ARHGEF10L: variants seen among roughly 807,000 people sequenced by gnomAD.
The protein encoded by ARHGEF10L is Rho guanine nucleotide exchange factor 10 like.
Under a neutral mutation model 141.2 loss-of-function variants are expected in ARHGEF10L, and 69 were observed. The ratio of observed to expected loss-of-function variants is 0.49; its 90% CI spans 0.40 to 0.60. The LOEUF (loss-of-function observed/expected upper bound fraction) is 0.60. Among genes scored for constraint, ARHGEF10L ranks in the 20% least tolerant of loss-of-function variants. ARHGEF10L has a pLI of 0.00. For synonymous variants in ARHGEF10L, 711 were observed against 718.5 expected (o/e 0.99, Z 0.17); for missense variants, 1,482 against 1,734.3 (o/e 0.85, Z 2.58).
intron 25 of ARHGEF10L, among the ~76,000 whole-genome samples, chr1:17,658,982 C>T (rs1438536185): frequency 2.6e-5 from 4 of 152,102 alleles, no homozygotes; most frequent in African/African-American, 4.8e-5. Flanking sequence ...TGGGGGAACC[C>T]GGAGAGGAAG....
At chr1:17,610,488 G>A (rs1199675813) in intron 7 of ARHGEF10L, among the ~76,000 whole-genome samples, 1 of 152,204 alleles carries the variant, frequency 6.6e-6, no homozygotes, top group African/African-American at 2.4e-5. Flanking sequence ...CCACCTGCTC[G>A]CTGATCAGCA....
intron 26 of ARHGEF10L, among the ~76,000 whole-genome samples, chr1:17,669,202 C>G (rs2063167747): frequency 6.6e-6 from 1 of 152,194 alleles, no homozygotes; most frequent in Non-Finnish European, 1.5e-5. Flanking sequence ...GTTCAATGCT[C>G]CAAGCCAGGA....
chr1:17,610,685 C>T (rs1343430528), intron 7 of ARHGEF10L, among the ~76,000 whole-genome samples: 1 of 152,224 alleles, frequency 6.6e-6, no homozygotes, highest in Non-Finnish European at 1.5e-5. Flanking sequence ...GCTGTGTGTG[C>T]TGTGGGCACA....
At chr1:17,634,701 G>A in intron 17 of ARHGEF10L, 134 bp from the exon 18 acceptor site, 1 of 1,461,192 alleles carries the variant, frequency 6.8e-7, no homozygotes. Context: ...TGCCTGGCTT[G>A]GTTTTGGTCT....
At chr1:17,610,623 C>T (rs916537870) in intron 7 of ARHGEF10L, among the ~76,000 whole-genome samples, 2 of 152,166 alleles carry the variant, frequency 1.3e-5, no homozygotes, top group Admixed American at 6.6e-5. Flanking sequence ...CCTGCTCACC[C>T]GCTGGCATTG....
chr1:17,672,018 G>T (rs1431912234), intron 26 of ARHGEF10L, among the ~76,000 whole-genome samples: 2 of 152,302 alleles, frequency 1.3e-5, no homozygotes, highest in African/African-American at 2.4e-5. Flanking sequence ...GGAGCATGAA[G>T]GTGCTTCCTG....
chr1:17,626,085 G>A, intron 14 of ARHGEF10L, 37 bp downstream of exon 14: 4 of 1,591,638 alleles, frequency 2.5e-6, no homozygotes, highest in Non-Finnish European at 3.4e-6. Flanking sequence ...AACCCACAGG[G>A]TTTGCCTGTG....
chr1:17,579,871 G>T (rs2078406805), intron 1 of ARHGEF10L, among the ~76,000 whole-genome samples: 1 of 152,264 alleles, frequency 6.6e-6, no homozygotes, highest in South Asian at 2.1e-4. Context: ...TTTTGCTTAT[G>T]TGAGCTCCCA....
chr1:17,536,777 C>T (rs2076581680), upstream of ARHGEF10L, among the ~76,000 whole-genome samples: 1 of 152,162 alleles, frequency 6.6e-6, no homozygotes, highest in African/African-American at 2.4e-5. Context: ...TAAAGGGCCA[C>T]CACTCCTGGG....
Position 17,656,242 on chromosome 1 carries a change from G to T in ARHGEF10L, c.2705+140G>T. On this transcript the variant is annotated intron_variant, in intron 24 of 28. Coordinates refer to ENST00000361221, the MANE Select transcript of ARHGEF10L (RefSeq NM_018125.4). This position sits in a 1 kb window ranked among gnomAD's most constrained non-coding sequence, Gnocchi z 4.9. ...GGTCTCCAGGAAGGTGGGCACCAGA[G>T]CTGCCCAGTGTGGGAGCCAAAGTGT... 2 of 1,100,094 alleles carry T rather than the reference G, an allele frequency of 1.8e-6. No homozygotes were observed. Among genetic ancestry groups the T allele is most frequent in the Non-Finnish European group, 2.6e-6 (2 of 774,138 alleles). 68.1% of individuals were successfully genotyped at this position (1,100,094 alleles called of 1,614,324 possible).
rs1443790666 is a variant in ARHGEF10L, at chr1:17,607,804, G to A, written c.436G>A (p.Ala146Thr). 3.2e-6 allele frequency: 5 copies of A among 1,577,078 alleles called. No homozygotes were observed. The South Asian group carries it at 5.7e-5, about 18-fold the overall frequency. Reference protein sequence around the residue: ...CESPDAHQPGAERNLLYEDAH... With the variant: ...CESPDAHQPGTERNLLYEDAH... ...ACCGGCTGCCGCTTGGCCAGCAGGG[G>A]CAGAGAGGAACCTGCTCTACGAGGA... Residue 146 changes from alanine (A) to threonine (T), a missense_variant and splice_region_variant, in exon 7 of 29, where the codon GCA (alanine) becomes ACA (threonine). By Grantham distance (58) the Ala-to-Thr change is moderately conservative (BLOSUM62 0). This residue lies in a region of ARHGEF10L where 232 missense variants were observed against 225.9 expected (regional missense o/e 1.03). Transcript: ENST00000361221. This position sits in a 1 kb window ranked among gnomAD's most constrained non-coding sequence, Gnocchi z 4.5.
Position 17,573,176 on chromosome 1 carries a change from T to C in ARHGEF10L, c.-43-7377T>C, listed in dbSNP as rs548520423. Among the ~76,000 whole-genome samples, 1 of 152,284 alleles carries C rather than the reference T, an allele frequency of 6.6e-6. No individual in the cohort carries two copies. Among genetic ancestry groups the C allele is most frequent in the African/African-American group, 2.4e-5 (1 of 41,550 alleles). On this transcript the variant is annotated intron_variant, in intron 1 of 28. Transcript: ENST00000361221. This position sits in a 1 kb window ranked among gnomAD's most constrained non-coding sequence, Gnocchi z 4.8. ...CTTCCCATCTGAGCCTCAGCTTCCC[T>C]GTGTCTAAAAAGGAGGTGAGGAAAC...
chr1:17,651,934 T>C (rs1165661041), intron 22 of ARHGEF10L, among the ~76,000 whole-genome samples: 1 of 152,204 alleles, frequency 6.6e-6, no homozygotes, highest in Non-Finnish European at 1.5e-5. Context: ...AGCTGTGTGC[T>C]GGCAGCCTGA....
chr1:17,550,289 C>T (rs1393459667), intron 1 of ARHGEF10L, among the ~76,000 whole-genome samples: 1 of 152,158 alleles, frequency 6.6e-6, no homozygotes, highest in African/African-American at 2.4e-5. Flanking sequence ...AGGAGCATGG[C>T]TTTTGGAGAA....
chr1:17,593,653 G>A (rs948863617), intron 4 of ARHGEF10L, among the ~76,000 whole-genome samples: 23 of 152,172 alleles, frequency 1.5e-4, no homozygotes, highest in African/African-American at 2.2e-4. Context: ...CTGAAACCTC[G>A]CTTTTAGTGA....
the ARHGEF10L span, among the ~76,000 whole-genome samples, chr1:17,523,219 G>A: frequency 2.0e-5 from 3 of 150,122 alleles, no homozygotes; most frequent in Non-Finnish European, 4.4e-5. Flanking sequence ...CCAAGTAGCT[G>A]GGACTATAGG....
intron 1 of ARHGEF10L, among the ~76,000 whole-genome samples, chr1:17,578,022 G>A (rs2078294472): frequency 6.6e-6 from 1 of 152,160 alleles, no homozygotes; most frequent in Non-Finnish European, 1.5e-5. Flanking sequence ...AAGGATCCTG[G>A]GTTTTGGCCC....
At chr1:17,520,529 G>T in the ARHGEF10L span, among the ~76,000 whole-genome samples, 2 of 152,216 alleles carry the variant, frequency 1.3e-5, no homozygotes, top group African/African-American at 2.4e-5. Flanking sequence ...TGGAGGTCGT[G>T]GGGGAGGGGT....
chr1:17,665,830 T>C (rs2062945307), intron 26 of ARHGEF10L, among the ~76,000 whole-genome samples: 1 of 152,138 alleles, frequency 6.6e-6, no homozygotes, highest in South Asian at 2.1e-4. Context: ...TGATGGAGGC[T>C]GTGAAGCCCC....
Sources: gnomAD v4.1 joint callset for allele counts (sites outside exome capture counted in the v4.1 genomes callset) on GRCh38, gnomAD v4.1.1 for gene constraint, gnomAD v4.1.1 regional missense constraint, Gnocchi (gnomAD v3.1) non-coding constraint, MANE v1.5 for transcripts, NCBI Gene and HGNC (gene_info 2026-07-23, HGNC 2026-07-21) for gene names.